PLXNB2: variants seen among roughly 807,000 people sequenced by gnomAD.
PLXNB2 encodes the protein plexin B2, also known as plexin-B2.
In PLXNB2, 85 loss-of-function variants were observed where a neutral mutation model predicts 202.6. That is an observed-to-expected ratio of 0.42 (90% confidence interval 0.35 to 0.50). PLXNB2 has a LOEUF of 0.50. Among genes scored for constraint, PLXNB2 ranks in the 20% least tolerant of loss-of-function variants. PLXNB2 has a pLI of 0.02. For missense variants in PLXNB2, 2,063 were observed against 2,586.2 expected (o/e 0.80, Z 4.39); for synonymous variants, 1,239 against 1,137.6 (o/e 1.09, Z -1.79).
At position 50,275,056 on chromosome 22, in the gene PLXNB2, C is replaced by G. The variant is rs190155453; in HGVS notation, c.*648G>C. On this transcript the variant is annotated 3_prime_UTR_variant, in exon 37 of 37. Transcript: ENST00000359337. Reference sequence around the variant, plus strand: ...GGGGTGGGGTGGTCTTGGAACTGCTCCCAGTCCCCCCGGACTGGGTGGGGC... The same window carrying G: ...GGGGTGGGGTGGTCTTGGAACTGCTGCCAGTCCCCCCGGACTGGGTGGGGC... 1.1e-5 allele frequency: 2 copies of G among 187,628 alleles called. No homozygotes were observed. Among genetic ancestry groups the G allele is most frequent in the Admixed American group, 5.8e-5 (1 of 17,202 alleles). 11.6% of individuals were successfully genotyped at this position (187,628 alleles called of 1,614,324 possible).
intron 18 of PLXNB2, 32 bp downstream of exon 18, chr22:50,282,679 A>C: frequency 6.7e-7 from 1 of 1,496,030 alleles, no homozygotes; most frequent in Non-Finnish European, 9.2e-7. Flanking sequence ...GGGTGTGGGG[A>C]GCAGAGGGGG....
At position 50,284,049 on chromosome 22, in the gene PLXNB2, C is replaced by T; in HGVS notation, c.2264-59G>A. 2.0e-6 allele frequency: 3 copies of T among 1,526,188 alleles called. No individual in the cohort carries two copies. The highest frequency in any genetic ancestry group is 2.2e-4 in the Middle Eastern group (1 of 4,470). The allele number at this position is 1,526,188 out of a possible 1,614,324, so 94.5% of individuals were successfully genotyped here. On this transcript the variant is annotated intron_variant, in intron 13 of 36. Transcript: ENST00000359337. The surrounding 1 kb of genome is among the most constrained non-coding windows in gnomAD (Gnocchi z 8.0). ...TGCCTGCCCGCCCCCGACCTGCTCC[C>T]CACTGCGCCCACCTGTCCCCCCACC...
In PLXNB2 at chr22:50,289,654, G is replaced by C; in HGVS notation, c.931C>G (p.Leu311Val). 1 of 1,609,574 alleles carries C rather than the reference G, an allele frequency of 6.2e-7. No homozygotes were observed. ...ACCTTGTCCAGCGGGAACAGGCAGA[G>C]GCCCGCACCGGGCCCCCCACTGCTC... is the stretch of plus-strand genomic sequence containing the variant. The part of the protein sequence containing the change: ...SRSSGGPGAG[L>V]CLFPLDKVHA... Residue 311 changes from leucine to valine, a missense_variant, in exon 3 of 37, where the codon CTC becomes GTC. This residue lies in a region of PLXNB2 where 1,303 missense variants were observed against 1,476.8 expected (regional missense o/e 0.88). Transcript: ENST00000359337. The surrounding 1 kb of genome is among the most constrained non-coding windows in gnomAD (Gnocchi z 8.0).
intron 1 of PLXNB2, among the ~76,000 whole-genome samples, chr22:50,300,476 C>A (rs1243201357): frequency 2.0e-5 from 3 of 152,204 alleles, no homozygotes; most frequent in Non-Finnish European, 4.4e-5. Flanking sequence ...GACTCCGGAC[C>A]CAGGGTCAAG....
chr22:50,304,397 G>A (rs1185262141), intron 1 of PLXNB2, among the ~76,000 whole-genome samples: 1 of 152,190 alleles, frequency 6.6e-6, no homozygotes, highest in Non-Finnish European at 1.5e-5. Context: ...TCAGAGAGAA[G>A]GCTTCTGAGC....
At chr22:50,276,798 G>C in intron 34 of PLXNB2, 44 bp downstream of exon 34, 2 of 1,595,584 alleles carry the variant, frequency 1.3e-6, no homozygotes, top group Non-Finnish European at 1.7e-6. Flanking sequence ...GCAGGGGGTC[G>C]AGGGTGGGCA....
Position 50,281,424 on chromosome 22 carries a change from G to A in PLXNB2, c.3598C>T (p.Leu1200Phe), listed in dbSNP as rs774456849. Residue 1200 changes from leucine to phenylalanine, a missense_variant, in exon 22 of 37, where the codon CTC (leucine) becomes TTC (phenylalanine). By Grantham distance (22) the Leu-to-Phe change is conservative. This residue lies in a region of PLXNB2 where 760 missense variants were observed against 1,109.4 expected (regional missense o/e 0.69). Coordinates refer to ENST00000359337, the MANE Select transcript of PLXNB2 (RefSeq NM_012401.4). ...DTRVSDVPLS[L>F]ILPLVIVPMV... Reference sequence around the variant, plus strand: ...GGCACGATGACCAGCGGCAAGATGAGGCTGAGCGGCACGTCGCTCACCCGT... The same window carrying A: ...GGCACGATGACCAGCGGCAAGATGAAGCTGAGCGGCACGTCGCTCACCCGT... The A allele has an allele frequency of 1.9e-6, 3 of 1,612,474 alleles. No individual in the cohort carries two copies. Among genetic ancestry groups the A allele is most frequent in the South Asian group, 1.1e-5 (1 of 91,044 alleles).
At position 50,291,991 on chromosome 22, in the gene PLXNB2, C is replaced by A. The variant is rs998832820; in HGVS notation, c.-13-1394G>T. Among the ~76,000 whole-genome samples the A allele has an allele frequency of 2.6e-5, 4 of 152,238 alleles. No homozygotes were observed. The highest frequency in any genetic ancestry group is 9.6e-5 in the African/African-American group (4 of 41,464). On this transcript the variant is annotated intron_variant, in intron 2 of 36. Coordinates refer to ENST00000359337, the MANE Select transcript of PLXNB2 (RefSeq NM_012401.4). This position sits in a 1 kb window ranked among gnomAD's most constrained non-coding sequence, Gnocchi z 4.3. ...TCCTCTCAGGCCACCACAAGTGTCA[C>A]CTCCCTGCATATGTCTCATCCCCTC...
chr22:50,281,227 C>T, intron 22 of PLXNB2, 38 bp from the exon 23 acceptor site: 1 of 1,588,412 alleles, frequency 6.3e-7, no homozygotes, highest in Non-Finnish European at 8.6e-7. Context: ...TCTGCCGGGG[C>T]TGGCCGCTCA....
chr22:50,296,017 G>T (rs1274095392), intron 1 of PLXNB2, among the ~76,000 whole-genome samples: 1 of 152,020 alleles, frequency 6.6e-6, no homozygotes, highest in Non-Finnish European at 1.5e-5. Flanking sequence ...CAAGATAATC[G>T]CTTGAACCTG....
chr22:50,276,378 GTGGGC>G (rs1478449847), intron 35 of PLXNB2, among the ~76,000 whole-genome samples: 4 of 151,504 alleles, frequency 2.6e-5, no homozygotes, highest in African/African-American at 4.9e-5. Flanking sequence ...AGGGGGCGCT[GTGGGC>G]ACGGCCGTGG....
At position 50,286,075 on chromosome 22, in the gene PLXNB2, C is replaced by T. The variant is rs144108995; in HGVS notation, c.1901G>A (p.Arg634His). Residue 634 changes from arginine to histidine, a missense_variant, in exon 10 of 37, where the codon CGC (arginine) becomes CAC (histidine). By Grantham distance (29) the Arg-to-His change is conservative. Around this residue, in one of 2 missense-constraint regions of PLXNB2, gnomAD observed 1,303 missense variants for 1,476.8 expected, o/e 0.88. Transcript: ENST00000359337. ...NLPCISCVSN[R>H]WTCQWDLRYH... The stretch of plus-strand genomic sequence containing the variant: ...GCGCAGGTCCCACTGGCAGGTCCAG[C>T]GGTTGCTCACGCAGGAGATGCACCT... 4.2e-3 allele frequency: 6,794 copies of T among 1,611,880 alleles called. 20 individuals are homozygous for T. Among genetic ancestry groups the T allele is most frequent in the Middle Eastern group, 0.012 (70 of 6,058 alleles).
intron 1 of PLXNB2, chr22:50,300,154 A>T (rs1028289939): frequency 1.7e-6 from 1 of 586,272 alleles, no homozygotes; most frequent in Non-Finnish European, 2.1e-6. Flanking sequence ...CGCCTCTGGG[A>T]CAAACCTCAC....
rs759385312 is a variant in PLXNB2 at position 50,284,717 on chromosome 22, C to T, written c.2089-52G>A. ...GACAGGCGGCTGTGGCACCCTGGCC[C>T]TCCTCCCAGAACCCCTGCAGCCCCT... On this transcript the variant is annotated intron_variant, in intron 11 of 36. Coordinates refer to ENST00000359337, the MANE Select transcript of PLXNB2 (RefSeq NM_012401.4). The surrounding 1 kb of genome is among the most constrained non-coding windows in gnomAD (Gnocchi z 8.0). 5 of 1,403,530 alleles carry T rather than the reference C, an allele frequency of 3.6e-6. No individual in the cohort carries two copies. The highest frequency in any genetic ancestry group is 1.0e-6 in the Non-Finnish European group (1 of 990,062). The allele number at this position is 1,403,530 out of a possible 1,614,324, so 86.9% of individuals were successfully genotyped here.
At chr22:50,285,148 C>T (rs1346931964) in intron 11 of PLXNB2, among the ~76,000 whole-genome samples, 1 of 152,084 alleles carries the variant, frequency 6.6e-6, no homozygotes, top group Non-Finnish European at 1.5e-5. Flanking sequence ...TTCCCACACA[C>T]CCATCAGCAC....
intron 1 of PLXNB2, among the ~76,000 whole-genome samples, chr22:50,306,265 G>A (rs1048604569): frequency 1.3e-5 from 2 of 152,202 alleles, no homozygotes; most frequent in Non-Finnish European, 2.9e-5. Context: ...CCCCCCATAG[G>A]TACCGTGGGA....
At chr22:50,277,300 C>CA (rs34557850) in intron 33 of PLXNB2, among the ~76,000 whole-genome samples, 78,214 of 142,548 alleles carry the variant, frequency 0.55, 21,131 homozygotes, top group African/African-American at 0.61. Context: ...GACTCCATCT[C>CA]AAAAAAAAAA....
At chr22:50,290,837 T>C (rs559491583) in intron 2 of PLXNB2, among the ~76,000 whole-genome samples, 136 of 152,292 alleles carry the variant, frequency 8.9e-4, no homozygotes, top group African/African-American at 3.2e-3. Context: ...GCCAAGGCAC[T>C]GCCATCGCCT....
intron 26 of PLXNB2, 68 bp from the exon 27 acceptor site, chr22:50,279,844 C>G: frequency 6.3e-7 from 1 of 1,582,470 alleles, no homozygotes; most frequent in Non-Finnish European, 8.7e-7. Context: ...CCCCGGAGCC[C>G]TGGCCAGAGG....
Sources: gnomAD v4.1 joint callset for allele counts (sites outside exome capture counted in the v4.1 genomes callset) on GRCh38, gnomAD v4.1.1 for gene constraint, gnomAD v4.1.1 regional missense constraint, Gnocchi (gnomAD v3.1) non-coding constraint, MANE v1.5 for transcripts, NCBI Gene and HGNC (gene_info 2026-07-23, HGNC 2026-07-21) for gene names.